Variants in THEMIS observed in about 807,000 individuals in gnomAD.
THEMIS encodes the protein thymocyte selection associated, also known as protein THEMIS.
In THEMIS, 37 loss-of-function variants were observed where a neutral mutation model predicts 52.6. The ratio of observed to expected loss-of-function variants is 0.70; its 90% confidence interval spans 0.54 to 0.93. The LOEUF is 0.93. Among genes scored for constraint, THEMIS ranks in the 40% least tolerant of loss-of-function variants. The pLI is 0.00. For missense variants in THEMIS, 808 were observed against 763.1 expected, an observed-to-expected ratio of 1.06 and a Z score of -0.69; for synonymous variants, 292 against 272.7, an observed-to-expected ratio of 1.07 and a Z score of -0.70.
chr6:127,856,679 G>T (rs548870684), intron 1 of THEMIS, among the ~76,000 whole-genome samples: 1 of 151,840 alleles, frequency 6.6e-6, no homozygotes, highest in South Asian at 2.1e-4. Context: ...TCAAGCTTCC[G>T]GTACATATTT....
chr6:127,784,124 A>G (rs1776841556), intron 4 of THEMIS, among the ~76,000 whole-genome samples: 2 of 152,206 alleles, frequency 1.3e-5, no homozygotes, highest in African/African-American at 4.8e-5. Context: ...TTCTCAGCAA[A>G]CTAATACAGG....
chr6:127,720,869 G>C (rs1774339092), intron 4 of THEMIS, among the ~76,000 whole-genome samples: 1 of 151,660 alleles, frequency 6.6e-6, no homozygotes, highest in Non-Finnish European at 1.5e-5. Flanking sequence ...TGTTCTTCAT[G>C]ATTGATTTCT....
At chr6:127,895,973 T>C (rs925127737) in intron 1 of THEMIS, among the ~76,000 whole-genome samples, 1 of 150,952 alleles carries the variant, frequency 6.6e-6, no homozygotes, top group Admixed American at 6.6e-5. Flanking sequence ...CAAAAAAAAA[T>C]AGTAAGCCAA....
At chr6:127,918,209 G>C (rs564453131) in intron 1 of THEMIS, among the ~76,000 whole-genome samples, 1 of 152,096 alleles carries the variant, frequency 6.6e-6, no homozygotes, top group Non-Finnish European at 1.5e-5. Flanking sequence ...GGCATAATGC[G>C]TGCCTGCAAT....
chr6:127,818,874 C>T (rs905584823), intron 3 of THEMIS, among the ~76,000 whole-genome samples: 1 of 151,782 alleles, frequency 6.6e-6, no homozygotes, highest in Non-Finnish European at 1.5e-5. Context: ...AATCCCAGGA[C>T]TTTGGGAGGC....
chr6:127,821,262 A>G (rs1191540472), intron 3 of THEMIS, among the ~76,000 whole-genome samples: 1 of 152,026 alleles, frequency 6.6e-6, no homozygotes, highest in Non-Finnish European at 1.5e-5. Context: ...CCCAAAAAAG[A>G]CCAAAGAGTA....
In THEMIS at chr6:127,900,792, T is replaced by C. The variant is rs375411168; in HGVS notation, c.91+50A>G. 3.0e-5 allele frequency: 46 copies of C among 1,530,620 alleles called. No homozygotes were observed. The African/African-American group carries it at 4.1e-4, about 14-fold the overall frequency. The allele number at this position is 1,530,620 out of a possible 1,614,324, so 94.8% of individuals were successfully genotyped here. A position where few individuals can be genotyped will look rare whatever the true frequency, so the allele number is the denominator to read the frequency against. Reference sequence around the variant, plus strand: ...TCCCCCCCTCCAATTTTCAAAAATGTATACTTTACAAGAATGTTCTAGCCA... The same window carrying C: ...TCCCCCCCTCCAATTTTCAAAAATGCATACTTTACAAGAATGTTCTAGCCA... On this transcript the variant is annotated intron_variant, in intron 1 of 5. Coordinates refer to ENST00000368248, the MANE Select transcript of THEMIS (RefSeq NM_001010923.3).
intron 4 of THEMIS, among the ~76,000 whole-genome samples, chr6:127,792,075 G>T (rs983769070): frequency 5.3e-5 from 8 of 152,168 alleles, no homozygotes; most frequent in Non-Finnish European, 1.0e-4. Flanking sequence ...AGGGGGCATG[G>T]CTTCCACCTG....
At chr6:127,904,606 A>AT (rs1781222397), upstream of THEMIS, among the ~76,000 whole-genome samples, 1 of 152,066 alleles carries the variant, frequency 6.6e-6, no homozygotes, top group Non-Finnish European at 1.5e-5. Flanking sequence ...AAAATACAAC[A>AT]TCTATAATTA....
At chr6:127,808,972 T>G (rs1229965540) in intron 4 of THEMIS, among the ~76,000 whole-genome samples, 1 of 152,216 alleles carries the variant, frequency 6.6e-6, no homozygotes, top group Non-Finnish European at 1.5e-5. Flanking sequence ...TTTTAGATTC[T>G]TACTCTTAGA....
At chr6:127,885,553 A>C (rs560791468) in intron 1 of THEMIS, among the ~76,000 whole-genome samples, 2 of 138,674 alleles carry the variant, frequency 1.4e-5, no homozygotes, top group African/African-American at 5.6e-5. Flanking sequence ...TTCTAGAAGA[A>C]ACTAAAGAAG....
At chr6:127,740,206 G>A (rs1305519406) in intron 4 of THEMIS, among the ~76,000 whole-genome samples, 1 of 152,072 alleles carries the variant, frequency 6.6e-6, no homozygotes, top group Non-Finnish European at 1.5e-5. Flanking sequence ...TTTCTGGGCA[G>A]GTGGGAACAA....
At chr6:127,856,227 A>G (rs1779614214) in intron 1 of THEMIS, among the ~76,000 whole-genome samples, 1 of 151,962 alleles carries the variant, frequency 6.6e-6, no homozygotes. Flanking sequence ...TGTTCCTGAT[A>G]TGTAGCATGC....
intron 1 of THEMIS, among the ~76,000 whole-genome samples, chr6:127,873,868 A>G (rs1392224941): frequency 6.6e-6 from 1 of 152,260 alleles, no homozygotes; most frequent in Non-Finnish European, 1.5e-5. Flanking sequence ...AAATGCATTC[A>G]TAGTATTGCA....
intron 1 of THEMIS, among the ~76,000 whole-genome samples, chr6:127,857,672 C>T (rs576734860): frequency 5.9e-4 from 89 of 152,132 alleles, no homozygotes; most frequent in African/African-American, 2.0e-3. Context: ...CTTGGTCCAC[C>T]ACATCACCTG....
At chr6:127,837,768 G>C (rs1218706468) in intron 2 of THEMIS, among the ~76,000 whole-genome samples, 1 of 151,958 alleles carries the variant, frequency 6.6e-6, no homozygotes, top group Admixed American at 6.6e-5. Context: ...AGATAAAAAT[G>C]TTTTAAACAA....
intron 5 of THEMIS, among the ~76,000 whole-genome samples, chr6:127,716,617 T>C (rs1706790042): frequency 6.6e-6 from 1 of 151,956 alleles, no homozygotes; most frequent in Non-Finnish European, 1.5e-5. Flanking sequence ...TGCCCAGACC[T>C]GCTTCTGGGA....
At chr6:127,777,912 A>G (rs982461819) in intron 4 of THEMIS, among the ~76,000 whole-genome samples, 20 of 152,146 alleles carry the variant, frequency 1.3e-4, no homozygotes, top group Non-Finnish European at 2.6e-4. Flanking sequence ...TAGGTTCCCC[A>G]ATATATGAAT....
chr6:127,834,566 A>C (rs2114675904), intron 2 of THEMIS, among the ~76,000 whole-genome samples: 1 of 152,276 alleles, frequency 6.6e-6, no homozygotes, highest in South Asian at 2.1e-4. Context: ...CCTGGGCAAC[A>C]GAGTGAGACT....
Sources: allele counts gnomAD v4.1 joint callset (sites outside exome capture counted in the v4.1 genomes callset), GRCh38; gene constraint gnomAD v4.1.1; transcripts MANE v1.5; gene names NCBI Gene and HGNC (gene_info 2026-07-23, HGNC 2026-07-21).